Variants in SLIT1 observed in about 807,000 individuals in gnomAD.
SLIT1 encodes slit guidance ligand 1.
SLIT1 carries 66 observed loss-of-function variants against 186.1 expected under a neutral mutation model. That is an observed-to-expected ratio of 0.35 (90% CI 0.29 to 0.44). The LOEUF (loss-of-function observed/expected upper bound fraction) is 0.44. SLIT1 is among the 20% of genes least tolerant of loss of function. The pLI is 1.00. For synonymous variants in SLIT1, 761 were observed against 833.8 expected, an observed-to-expected ratio of 0.91 and a Z score of 1.50; for missense variants, 1,638 against 2,037.4, an observed-to-expected ratio of 0.80 and a Z score of 3.77.
At chr10:97,129,892 C>T (rs761655962) in intron 4 of SLIT1, among the ~76,000 whole-genome samples, 2 of 152,178 alleles carry the variant, frequency 1.3e-5, no homozygotes, top group Non-Finnish European at 2.9e-5. Context: ...TTCCTGCCCC[C>T]AGCCAGACGC....
At chr10:97,007,199 T>G (rs1589360789) in intron 31 of SLIT1, among the ~76,000 whole-genome samples, 1 of 152,006 alleles carries the variant, frequency 6.6e-6, no homozygotes, top group African/African-American at 2.4e-5. Context: ...ACCAACAAAC[T>G]AGAAAACAGA....
intron 11 of SLIT1, among the ~76,000 whole-genome samples, chr10:97,058,666 G>A (rs903668858): frequency 2.0e-5 from 3 of 152,208 alleles, no homozygotes; most frequent in East Asian, 1.9e-4. Context: ...TGCACTCCCC[G>A]GGGGAGTTCT....
chr10:97,123,789 G>GAAA (rs5787219), intron 4 of SLIT1, among the ~76,000 whole-genome samples: 11 of 134,522 alleles, frequency 8.2e-5, no homozygotes, highest in Admixed American at 2.2e-4. Context: ...GACTCTGTCT[G>GAAA]AAAAAAAAAA....
intron 25 of SLIT1, among the ~76,000 whole-genome samples, chr10:97,023,957 AAG>A (rs964224242): frequency 3.9e-5 from 6 of 151,926 alleles, no homozygotes; most frequent in African/African-American, 1.5e-4. Context: ...GAAAAAAGAA[AAG>A]AGAGAGAGAG....
rs55656011 is a variant in SLIT1 at position 97,119,913 on chromosome 10, G to GTATATATATATATATATA, written c.413+37887_413+37904dup. ...AAATACATATTTTTTTTCCAAAGGG[G>GTATATATATATATATATA]TATATATATATATATATATATATAT... On this transcript the variant is annotated intron_variant, in intron 4 of 36. Coordinates refer to ENST00000266058, the MANE Select transcript of SLIT1 (RefSeq NM_003061.3). 7.4e-3 allele frequency among the ~76,000 whole-genome samples: 415 copies of GTATATATATATATATATA among 56,432 alleles called. 9 individuals carry two copies. The highest frequency in any genetic ancestry group is 0.01 in the Middle Eastern group (1 of 100). The allele number at this position is 56,432 out of a possible 152,430, so 37.0% of individuals were successfully genotyped here. A position where few individuals can be genotyped will look rare whatever the true frequency, so the allele number is the denominator to read the frequency against.
intron 4 of SLIT1, among the ~76,000 whole-genome samples, chr10:97,074,801 C>T (rs1372359818): frequency 6.6e-6 from 1 of 152,222 alleles, no homozygotes; most frequent in African/African-American, 2.4e-5. Context: ...CTCTGGCTGC[C>T]CCTCCTTCTG....
intron 4 of SLIT1, among the ~76,000 whole-genome samples, chr10:97,138,795 A>G (rs1325972000): frequency 6.6e-6 from 1 of 152,212 alleles, no homozygotes; most frequent in Non-Finnish European, 1.5e-5. Context: ...ATATGTGTGC[A>G]TCTGTGCCTG....
intron 4 of SLIT1, among the ~76,000 whole-genome samples, chr10:97,128,832 A>G (rs1001497419): frequency 1.1e-4 from 17 of 152,184 alleles, no homozygotes; most frequent in African/African-American, 3.6e-4. Context: ...ATCATACTCA[A>G]TGATGTTCAG....
At position 97,046,644 on chromosome 10, in the gene SLIT1, G is replaced by A; in HGVS notation, c.1853+10C>T. On this transcript the variant is annotated intron_variant, in intron 18 of 36. Coordinates refer to ENST00000266058, the MANE Select transcript of SLIT1 (RefSeq NM_003061.3). ...CTGGCCCACCCTGCTCCCCAGCCCTGCACACTCACAGGGTCCTCAAGCCAT... is the reference window on the plus strand; with the variant it reads ...CTGGCCCACCCTGCTCCCCAGCCCTACACACTCACAGGGTCCTCAAGCCAT... The A allele has an allele frequency of 6.2e-7, 1 of 1,601,356 alleles. No individual in the cohort carries two copies. Among genetic ancestry groups the A allele is most frequent in the East Asian group, 2.2e-5 (1 of 44,740 alleles).
chr10:97,020,654 T>C (rs1230111327), intron 26 of SLIT1, among the ~76,000 whole-genome samples: 1 of 152,176 alleles, frequency 6.6e-6, no homozygotes, highest in Non-Finnish European at 1.5e-5. Context: ...GCCTCCAGTG[T>C]CCTCCCCCCG....
chr10:97,142,584 C>T (rs531887934), intron 4 of SLIT1, among the ~76,000 whole-genome samples: 8 of 152,154 alleles, frequency 5.3e-5, no homozygotes, highest in Admixed American at 3.3e-4. Context: ...GATATGACAC[C>T]GAAAGCATAG....
intron 1 of SLIT1, among the ~76,000 whole-genome samples, chr10:97,180,897 T>C (rs1197834698): frequency 6.6e-6 from 1 of 152,158 alleles, no homozygotes; most frequent in African/African-American, 2.4e-5. Context: ...ATCCTAATGA[T>C]TGAATCACAA....
At chr10:97,071,503 C>T (rs1849001031) in intron 4 of SLIT1, among the ~76,000 whole-genome samples, 2 of 152,174 alleles carry the variant, frequency 1.3e-5, no homozygotes, top group Admixed American at 6.5e-5. Context: ...ATTTGCTTAT[C>T]GATTTAGACC....
At chr10:97,128,365 G>A (rs1589404022) in intron 4 of SLIT1, among the ~76,000 whole-genome samples, 2 of 152,220 alleles carry the variant, frequency 1.3e-5, no homozygotes, top group African/African-American at 4.8e-5. Flanking sequence ...CTGTCTCCTG[G>A]CACGATGCCC....
At chr10:97,002,612 C>A in intron 35 of SLIT1, 92 bp downstream of exon 35, 1 of 1,253,546 alleles carries the variant, frequency 8.0e-7, no homozygotes, top group East Asian at 2.4e-5. Context: ...GCTACATGTT[C>A]TAATATGGGT....
At chr10:97,172,937 GAGA>G (rs1564694666) in intron 1 of SLIT1, among the ~76,000 whole-genome samples, 2 of 44,898 alleles carry the variant, frequency 4.5e-5, no homozygotes, top group African/African-American at 9.4e-5. Context: ...GAAGGAGGGA[GAGA>G]GAGAGAGAGA....
At chr10:97,174,459 C>T (rs1172863268) in intron 1 of SLIT1, among the ~76,000 whole-genome samples, 1 of 152,242 alleles carries the variant, frequency 6.6e-6, no homozygotes, top group African/African-American at 2.4e-5. Flanking sequence ...CATCCCAGTC[C>T]TCCAACCCAC....
intron 4 of SLIT1, among the ~76,000 whole-genome samples, chr10:97,114,414 G>T (rs188433637): frequency 2.0e-5 from 3 of 152,286 alleles, no homozygotes; most frequent in African/African-American, 7.2e-5. Context: ...CAGCACTTTG[G>T]GAGGCCAAGG....
chr10:97,010,928 C>T lies in SLIT1; in HGVS notation c.3341+65G>A, dbSNP rs1295908067. On this transcript the variant is annotated intron_variant, in intron 31 of 36. Transcript: ENST00000266058. This position sits in a 1 kb window ranked among gnomAD's most constrained non-coding sequence, Gnocchi z 4.8. ...CCCTTTCCTTCGCCATGGCTGGAGGCTCCTGCCAGCCCAGGGGCTGACAGC... is the reference window on the plus strand; with the variant it reads ...CCCTTTCCTTCGCCATGGCTGGAGGTTCCTGCCAGCCCAGGGGCTGACAGC... The T allele has an allele frequency of 5.8e-5, 88 of 1,522,976 alleles. No individual in the cohort carries two copies. In the East Asian group the frequency reaches 2.0e-3, roughly 34 times the overall value. The allele number at this position is 1,522,976 out of a possible 1,614,324, so 94.3% of individuals were successfully genotyped here.
Sources: gnomAD v4.1 joint callset for allele counts (sites outside exome capture counted in the v4.1 genomes callset) on GRCh38, gnomAD v4.1.1 for gene constraint, Gnocchi (gnomAD v3.1) non-coding constraint, MANE v1.5 for transcripts, NCBI Gene and HGNC (gene_info 2026-07-23, HGNC 2026-07-21) for gene names.